FGF10: variants seen among roughly 807,000 people sequenced by gnomAD.
FGF10 encodes the protein fibroblast growth factor 10, also known as FGF-10.
Under a neutral mutation model 19.8 loss-of-function variants are expected in FGF10, and 2 were observed. The observed-to-expected ratio is 0.10, with a 90% CI of 0.04 to 0.32. The LOEUF (loss-of-function observed/expected upper bound fraction) is 0.32, where lower values mean the gene tolerates loss of function less well. Ranked by LOEUF, FGF10 falls within the 10% of genes least tolerant of loss-of-function variation. FGF10 has a pLI of 1.00. For missense variants in FGF10, 191 were observed against 246.3 expected (o/e 0.78, Z 1.50); for synonymous variants, 112 against 94.0 (o/e 1.19, Z -1.10).
Position 44,300,726 on chromosome 5 carries a change from T to C in FGF10, c.*4269A>G, listed in dbSNP as rs746677613. Among the ~76,000 whole-genome samples the C allele has an allele frequency of 6.6e-6, 1 of 152,082 alleles. No homozygotes were observed. Among genetic ancestry groups the C allele is most frequent in the African/African-American group, 2.4e-5 (1 of 41,410 alleles). On this transcript the variant is annotated 3_prime_UTR_variant, in exon 3 of 3. Transcript: ENST00000264664. ...ACCTGCAGCACTGCTGTCTCCTTGG[T>C]GTACTCTTCTTCACTAGTTGCGGTT...
intron 1 of FGF10, among the ~76,000 whole-genome samples, chr5:44,374,554 G>C (rs956293621): frequency 1.3e-4 from 20 of 152,076 alleles, no homozygotes; most frequent in African/African-American, 4.8e-4. Flanking sequence ...TCATATTATA[G>C]ATTAAGTCTC....
rs551149737 is a variant in FGF10, at chr5:44,377,528, A to C, written c.325+10830T>G. Among the ~76,000 whole-genome samples, 4 of 152,366 alleles carry C rather than the reference A, an allele frequency of 2.6e-5. No homozygotes were observed. The East Asian group carries it at 7.7e-4, about 29-fold the overall frequency. ...TGTTGCCTTTTATTCTATAGTCATC[A>C]AATCTCCACGGTTACCTATTTCGCT... On this transcript the variant is annotated intron_variant, in intron 1 of 2. Coordinates refer to ENST00000264664, the MANE Select transcript of FGF10 (RefSeq NM_004465.2).
intron 1 of FGF10, among the ~76,000 whole-genome samples, chr5:44,381,376 C>A (rs1423668725): frequency 6.6e-6 from 1 of 152,094 alleles, no homozygotes; most frequent in African/African-American, 2.4e-5. Context: ...AGGCCTCTGG[C>A]CCTGAATGTC....
At chr5:44,306,095 T>G (rs995508816) in intron 2 of FGF10, among the ~76,000 whole-genome samples, 2 of 152,120 alleles carry the variant, frequency 1.3e-5, no homozygotes, top group Admixed American at 6.6e-5. Flanking sequence ...CTCAATGATC[T>G]CAAGACTCTG....
chr5:44,323,228 A>G (rs1481461257), intron 1 of FGF10, among the ~76,000 whole-genome samples: 1 of 152,198 alleles, frequency 6.6e-6, no homozygotes, highest in Non-Finnish European at 1.5e-5. Context: ...TGGAAATACA[A>G]GAAGAGAGCA....
At chr5:44,309,028 G>A (rs1258008934) in intron 2 of FGF10, among the ~76,000 whole-genome samples, 1 of 152,076 alleles carries the variant, frequency 6.6e-6, no homozygotes, top group East Asian at 1.9e-4. Flanking sequence ...GGTTCTCTCA[G>A]CCTTATGCTA....
intron 1 of FGF10, among the ~76,000 whole-genome samples, chr5:44,367,563 C>T (rs1240367194): frequency 6.6e-6 from 1 of 152,036 alleles, no homozygotes; most frequent in Non-Finnish European, 1.5e-5. Context: ...TTATTAACTA[C>T]TCAGTGAAGT....
At chr5:44,371,843 T>C (rs1741748893) in intron 1 of FGF10, among the ~76,000 whole-genome samples, 1 of 152,180 alleles carries the variant, frequency 6.6e-6, no homozygotes, top group African/African-American at 2.4e-5. Flanking sequence ...TTAATCCTCA[T>C]AGACGGAATG....
chr5:44,333,308 G>T (rs1740778679), intron 1 of FGF10, among the ~76,000 whole-genome samples: 1 of 152,050 alleles, frequency 6.6e-6, no homozygotes, highest in Non-Finnish European at 1.5e-5. Flanking sequence ...TTTCTTCCCA[G>T]ACAGTAGAAT....
intron 1 of FGF10, among the ~76,000 whole-genome samples, chr5:44,362,278 A>G (rs1405936456): frequency 6.6e-6 from 1 of 151,720 alleles, no homozygotes. Context: ...TAGTCCATAT[A>G]TCTTTTATCC....
At chr5:44,387,895 C>T (rs1052699758) in intron 1 of FGF10, among the ~76,000 whole-genome samples, 1 of 151,916 alleles carries the variant, frequency 6.6e-6, no homozygotes, top group African/African-American at 2.4e-5. Context: ...TAATTGACAG[C>T]GGATAATTAT....
chr5:44,372,012 T>G (rs569246163), intron 1 of FGF10, among the ~76,000 whole-genome samples: 1 of 152,288 alleles, frequency 6.6e-6, no homozygotes, highest in Non-Finnish European at 1.5e-5. Flanking sequence ...TGTCTTAGAT[T>G]CCTGTATTAC....
At chr5:44,324,538 A>G (rs1554036591) in intron 1 of FGF10, among the ~76,000 whole-genome samples, 5 of 152,074 alleles carry the variant, frequency 3.3e-5, no homozygotes, top group Non-Finnish European at 7.4e-5. Context: ...CAGAAGAAAG[A>G]CTCTCTTAAT....
chr5:44,333,842 C>T lies in FGF10; in HGVS notation c.326-23312G>A, dbSNP rs563962669. Among the ~76,000 whole-genome samples the T allele has an allele frequency of 2.0e-5, 3 of 152,174 alleles. No individual in the cohort carries two copies. The South Asian group carries it at 6.2e-4, about 32-fold the overall frequency. On this transcript the variant is annotated intron_variant, in intron 1 of 2. Coordinates refer to ENST00000264664, the MANE Select transcript of FGF10 (RefSeq NM_004465.2). ...AATGTGTGTTGGTGTCTCAGCATCT[C>T]TTCATTTTTATTCGATCTGTGAGGA...
chr5:44,340,199 G>C (rs146480304), intron 1 of FGF10, among the ~76,000 whole-genome samples: 39 of 152,172 alleles, frequency 2.6e-4, no homozygotes, highest in African/African-American at 9.4e-4. Context: ...GCAGTGGAGG[G>C]GAAAAGCAGG....
intron 1 of FGF10, among the ~76,000 whole-genome samples, chr5:44,321,018 G>A (rs757019244): frequency 3.0e-4 from 46 of 152,098 alleles, no homozygotes; most frequent in Non-Finnish European, 5.4e-4. Flanking sequence ...AAAAAAAGAT[G>A]AACATGAAGA....
chr5:44,352,860 C>A (rs188793177), intron 1 of FGF10, among the ~76,000 whole-genome samples: 1 of 151,622 alleles, frequency 6.6e-6, no homozygotes, highest in African/African-American at 2.4e-5. Context: ...TATAATATGT[C>A]CTCAATAAAT....
intron 1 of FGF10, among the ~76,000 whole-genome samples, chr5:44,384,672 T>A (rs1276965648): frequency 6.6e-6 from 1 of 152,116 alleles, no homozygotes; most frequent in African/African-American, 2.4e-5. Context: ...AATTTACTTT[T>A]TTCAGTATGA....
At chr5:44,319,872 G>A (rs1023236556) in intron 1 of FGF10, among the ~76,000 whole-genome samples, 1 of 152,116 alleles carries the variant, frequency 6.6e-6, no homozygotes, top group African/African-American at 2.4e-5. Context: ...GACTGGTACT[G>A]GTCCATGGCC....
Sources: allele counts gnomAD v4.1 joint callset (sites outside exome capture counted in the v4.1 genomes callset), GRCh38; gene constraint gnomAD v4.1.1; transcripts MANE v1.5; gene names NCBI Gene and HGNC (gene_info 2026-07-23, HGNC 2026-07-21).